PCCA: variants seen among roughly 807,000 people sequenced by gnomAD.
The protein encoded by PCCA is propionyl-CoA carboxylase subunit alpha, also known as propionyl-CoA carboxylase alpha chain, mitochondrial.
A neutral mutation model predicts 101.3 loss-of-function variants in PCCA; 74 were observed. The observed-to-expected ratio is 0.73, with a 90% confidence interval of 0.61 to 0.89. PCCA has a LOEUF of 0.89. Ranked by LOEUF, PCCA falls within the 40% of genes least tolerant of loss-of-function variation. The pLI is 0.00. For synonymous variants in PCCA, 294 were observed against 313.6 expected, an observed-to-expected ratio of 0.94 and a Z score of 0.66; for missense variants, 891 against 907.0, an observed-to-expected ratio of 0.98 and a Z score of 0.23.
chr13:100,144,304 G>T (rs1298167577), intron 4 of PCCA, among the ~76,000 whole-genome samples: 1 of 152,128 alleles, frequency 6.6e-6, no homozygotes, highest in Non-Finnish European at 1.5e-5. Context: ...TGTCTTTTGG[G>T]ATCCCAGCAA....
chr13:100,391,310 G>A (rs763045087), intron 19 of PCCA, among the ~76,000 whole-genome samples: 3 of 152,218 alleles, frequency 2.0e-5, no homozygotes, highest in Non-Finnish European at 4.4e-5. Flanking sequence ...AGGAGCGGGT[G>A]GAGATGAAGG....
intron 7 of PCCA, among the ~76,000 whole-genome samples, chr13:100,220,268 GT>G (rs949053134): frequency 6.6e-6 from 1 of 151,088 alleles, no homozygotes; most frequent in African/African-American, 2.4e-5. Context: ...TTTTGTTTTT[GT>G]TTTTTTTGAG....
chr13:100,148,571 A>T (rs937139938), intron 4 of PCCA, among the ~76,000 whole-genome samples: 8 of 152,056 alleles, frequency 5.3e-5, no homozygotes, highest in African/African-American at 9.7e-5. Flanking sequence ...TTCTCCCTTG[A>T]TGCTTCTACT....
chr13:100,454,669 A>G (rs2081581793), intron 21 of PCCA, among the ~76,000 whole-genome samples: 1 of 152,236 alleles, frequency 6.6e-6, no homozygotes, highest in African/African-American at 2.4e-5. Flanking sequence ...GTTTTTGTCA[A>G]TATTGATAAA....
At chr13:100,403,215 A>C (rs1465102647) in intron 19 of PCCA, among the ~76,000 whole-genome samples, 5 of 152,150 alleles carry the variant, frequency 3.3e-5, no homozygotes, top group Non-Finnish European at 5.9e-5. Context: ...TTCAGCTTAG[A>C]AGTTGAGAAC....
chr13:100,306,048 G>A (rs1160773744), intron 14 of PCCA, among the ~76,000 whole-genome samples: 1 of 152,106 alleles, frequency 6.6e-6, no homozygotes, highest in African/African-American at 2.4e-5. Flanking sequence ...TGATGTCACC[G>A]TATAATAAAG....
chr13:100,303,080 CAAAGGGTGT>C, intron 14 of PCCA, 82 bp downstream of exon 14: 1 of 844,064 alleles, frequency 1.2e-6, no homozygotes, highest in Non-Finnish European at 2.1e-6. Flanking sequence ...ATGTCAACAC[CAAAGGGTGT>C]AAATTGAAGG....
chr13:100,110,192 A>G (rs1366928096), intron 2 of PCCA, among the ~76,000 whole-genome samples: 1 of 152,216 alleles, frequency 6.6e-6, no homozygotes, highest in Non-Finnish European at 1.5e-5. Flanking sequence ...TTAAAAGGTC[A>G]TTTATAACTC....
intron 6 of PCCA, among the ~76,000 whole-genome samples, chr13:100,169,200 C>A (rs368278275): frequency 7.2e-6 from 1 of 138,280 alleles, no homozygotes; most frequent in Non-Finnish European, 1.7e-5. Context: ...CCAGCACTTT[C>A]GGAGGCCGAG....
intron 21 of PCCA, among the ~76,000 whole-genome samples, chr13:100,495,823 T>C (rs1351359639): frequency 6.6e-6 from 1 of 152,258 alleles, no homozygotes; most frequent in Non-Finnish European, 1.5e-5. Context: ...TTTGATACTT[T>C]TTAATTTTTT....
intron 11 of PCCA, among the ~76,000 whole-genome samples, chr13:100,269,421 C>G (rs970306786): frequency 6.6e-6 from 1 of 152,088 alleles, no homozygotes; most frequent in Non-Finnish European, 1.5e-5. Context: ...TCTAGACTTT[C>G]ATGTTGGTGA....
chr13:100,364,458 A>G (rs2074966598), intron 18 of PCCA, among the ~76,000 whole-genome samples: 1 of 152,242 alleles, frequency 6.6e-6, no homozygotes, highest in Non-Finnish European at 1.5e-5. Context: ...TTTTGCAGAA[A>G]TAGAGCATGC....
chr13:100,372,741 G>T (rs1339896078), intron 19 of PCCA, among the ~76,000 whole-genome samples: 1 of 151,694 alleles, frequency 6.6e-6, no homozygotes, highest in Non-Finnish European at 1.5e-5. Context: ...ATAAGAGTTT[G>T]TTTGTTTGTT....
chr13:100,434,076 T>C lies in PCCA; in HGVS notation c.1845+8345T>C, dbSNP rs905801866. ...GATCTTCCTGGCCTCTCTTGTACTA[T>C]TTCTTCCTCCCAGGTATGGGACAAG... On this transcript the variant is annotated intron_variant, in intron 20 of 23. Coordinates refer to ENST00000376285, the MANE Select transcript of PCCA (RefSeq NM_000282.4). Among the ~76,000 whole-genome samples the C allele has an allele frequency of 3.3e-5, 5 of 152,318 alleles. No homozygotes were observed. The East Asian group carries it at 9.6e-4, about 29-fold the overall frequency.
intron 8 of PCCA, among the ~76,000 whole-genome samples, chr13:100,241,675 A>G (rs1009823847): frequency 1.3e-5 from 2 of 151,996 alleles, no homozygotes; most frequent in African/African-American, 4.8e-5. Flanking sequence ...ATGTTGCCTC[A>G]GTTGATCTTG....
chr13:100,456,634 T>C (rs2081743134), intron 21 of PCCA, among the ~76,000 whole-genome samples: 1 of 144,606 alleles, frequency 6.9e-6, no homozygotes, highest in South Asian at 2.1e-4. Context: ...GGGGGGCCCT[T>C]CCCTCTTAGG....
rs557749563 is a variant in PCCA, at chr13:100,522,470, A to G, written c.2041-5205A>G. Among the ~76,000 whole-genome samples, 78 of 152,260 alleles carry G rather than the reference A, an allele frequency of 5.1e-4. 1 individual carries two copies. Among genetic ancestry groups the G allele is most frequent in the African/African-American group, 1.8e-3 (74 of 41,548 alleles). ...CAGTGGAAAGCCATATGCCACTGGC[A>G]CCGTTTCCTCTGCATTCCTTACAGT... is the stretch of plus-strand genomic sequence containing the variant. On this transcript the variant is annotated intron_variant, in intron 22 of 23. Coordinates refer to ENST00000376285, the MANE Select transcript of PCCA (RefSeq NM_000282.4).
chr13:100,354,796 AG>A (rs2073789492), intron 18 of PCCA, among the ~76,000 whole-genome samples: 1 of 152,214 alleles, frequency 6.6e-6, no homozygotes, highest in Non-Finnish European at 1.5e-5. Flanking sequence ...CTTTCTCAAG[AG>A]AAAGTAGGAA....
chr13:100,458,568 A>T (rs1402030376), intron 21 of PCCA, among the ~76,000 whole-genome samples: 1 of 152,060 alleles, frequency 6.6e-6, no homozygotes, highest in Non-Finnish European at 1.5e-5. Flanking sequence ...CCAAGAGTTC[A>T]AGGCTATAGT....
Sources: allele counts gnomAD v4.1 joint callset (sites outside exome capture counted in the v4.1 genomes callset), GRCh38; gene constraint gnomAD v4.1.1; transcripts MANE v1.5; gene names NCBI Gene and HGNC (gene_info 2026-07-23, HGNC 2026-07-21).